The following PDZRN3 variants were observed in gnomAD, a reference collection of about 807,000 sequenced individuals.
PDZRN3 encodes PDZ domain containing ring finger 3.
In PDZRN3, 38 loss-of-function variants were observed where a neutral mutation model predicts 85.7. The observed-to-expected ratio is 0.44, with a 90% CI of 0.34 to 0.58. PDZRN3 has a LOEUF of 0.58. Among genes scored for constraint, PDZRN3 ranks in the 20% least tolerant of loss-of-function variants. The pLI is 0.01. For missense variants in PDZRN3, 1,629 were observed against 1,506.4 expected, an observed-to-expected ratio of 1.08 and a Z score of -1.35; for synonymous variants, 759 against 638.0, an observed-to-expected ratio of 1.19 and a Z score of -2.86.
chr3:73,503,373 T>C (rs1156493693), intron 3 of PDZRN3, among the ~76,000 whole-genome samples: 1 of 152,196 alleles, frequency 6.6e-6, no homozygotes, highest in Admixed American at 6.5e-5. Context: ...GTTAAACATC[T>C]GGGAATGCAT....
chr3:73,588,500 G>C (rs1021315341), intron 3 of PDZRN3, among the ~76,000 whole-genome samples: 1 of 152,086 alleles, frequency 6.6e-6, no homozygotes, highest in Non-Finnish European at 1.5e-5. Flanking sequence ...TGCCCAGATC[G>C]GGAGCAGAAT....
intron 3 of PDZRN3, among the ~76,000 whole-genome samples, chr3:73,585,854 A>C (rs1702269765): frequency 6.6e-6 from 1 of 152,226 alleles, no homozygotes; most frequent in South Asian, 2.1e-4. Context: ...CCAATGTTAA[A>C]TATTTTCCAA....
At chr3:73,599,851 C>T (rs551408727) in intron 3 of PDZRN3, among the ~76,000 whole-genome samples, 33 of 152,340 alleles carry the variant, frequency 2.2e-4, no homozygotes, top group Admixed American at 1.8e-3. Flanking sequence ...GTGAGAGCAT[C>T]TGACAGTGCC....
Position 73,384,066 on chromosome 3 carries a change from G to T in PDZRN3, c.2500C>A (p.Pro834Thr). 6.2e-7 allele frequency: 1 copy of T among 1,610,030 alleles called. No individual in the cohort carries two copies. The highest frequency in any genetic ancestry group is 8.5e-7 in the Non-Finnish European group (1 of 1,178,344). ...PSLKELDPNQ[P>T]LESKERRASD... Reference sequence around the variant, plus strand: ...GCTCTCCGCTCTTTGCTTTCCAGGGGCTGGTTGGGGTCCAGCTCCTTCAGG... The same window carrying T: ...GCTCTCCGCTCTTTGCTTTCCAGGGTCTGGTTGGGGTCCAGCTCCTTCAGG... The change falls in exon 10 of 10, where the codon CCC becomes ACC. Residue 834 changes from proline (P) to threonine (T), a missense_variant. Physicochemically the swap from Pro to Thr is conservative, Grantham distance 38. Transcript: ENST00000263666.
At chr3:73,567,188 G>A (rs538902379) in intron 3 of PDZRN3, among the ~76,000 whole-genome samples, 47 of 152,234 alleles carry the variant, frequency 3.1e-4, no homozygotes, top group African/African-American at 1.1e-3. Context: ...ATAAGAATCT[G>A]GTAGTTTGAT....
chr3:73,404,498 G>A, intron 3 of PDZRN3, 103 bp from the exon 4 acceptor site: 1 of 1,262,708 alleles, frequency 7.9e-7, no homozygotes, highest in Non-Finnish European at 1.1e-6. Context: ...CTAAAAGAAA[G>A]AAGCAGGTGG....
chr3:73,475,710 C>T (rs1393228437), intron 3 of PDZRN3, among the ~76,000 whole-genome samples: 1 of 152,120 alleles, frequency 6.6e-6, no homozygotes, highest in South Asian at 2.1e-4. Context: ...GAACTTTTAC[C>T]TAGGGGTTGC....
chr3:73,453,899 T>C (rs1223685912), intron 3 of PDZRN3, among the ~76,000 whole-genome samples: 4 of 152,186 alleles, frequency 2.6e-5, no homozygotes, highest in Admixed American at 6.5e-5. Context: ...CAACAGGTCA[T>C]TGCAGAGGGG....
intron 3 of PDZRN3, among the ~76,000 whole-genome samples, chr3:73,524,550 A>G (rs1017475259): frequency 6.6e-6 from 1 of 152,196 alleles, no homozygotes; most frequent in African/African-American, 2.4e-5. Context: ...GTGCCCTTGG[A>G]GATCAGAAAG....
chr3:73,384,281 T>C lies in PDZRN3; in HGVS notation c.2285A>G (p.Glu762Gly). ...KDSSSAYNTG[E>G]SCRSTPLTLE... ...GGTGAGCGGGGTGCTGCGGCAGCTC[T>C]CGCCTGTGTTGTAGGCGCTCGAGCT... The change falls in exon 10 of 10, where the codon GAG becomes GGG. Residue 762 changes from glutamate (E) to glycine (G), a missense_variant. By Grantham distance (98) the Glu-to-Gly change is moderately conservative (BLOSUM62 -2). Transcript: ENST00000263666. 1.2e-6 allele frequency: 2 copies of C among 1,613,038 alleles called. No homozygotes were observed. Among genetic ancestry groups the C allele is most frequent in the Non-Finnish European group, 8.5e-7 (1 of 1,179,878 alleles).
chr3:73,534,945 T>C (rs1704742309), intron 3 of PDZRN3, among the ~76,000 whole-genome samples: 1 of 152,170 alleles, frequency 6.6e-6, no homozygotes, highest in Admixed American at 6.5e-5. Flanking sequence ...GTCTATTTGC[T>C]GCCCCTCTCT....
chr3:73,394,363 T>C (rs1050672158), intron 5 of PDZRN3, among the ~76,000 whole-genome samples: 4 of 152,154 alleles, frequency 2.6e-5, no homozygotes, highest in African/African-American at 4.8e-5. Context: ...TAGAGCCCAA[T>C]GCTGCGTTTA....
intron 3 of PDZRN3, among the ~76,000 whole-genome samples, chr3:73,481,501 T>C (rs1009025531): frequency 6.6e-6 from 1 of 150,672 alleles, no homozygotes; most frequent in African/African-American, 2.5e-5. Flanking sequence ...TGGCTAATTT[T>C]GTATTTTTAG....
chr3:73,620,581 G>GTTTTT (rs10650658), intron 1 of PDZRN3, among the ~76,000 whole-genome samples: 2 of 139,798 alleles, frequency 1.4e-5, no homozygotes, highest in Non-Finnish European at 3.0e-5. Flanking sequence ...GGTTTTTTTT[G>GTTTTT]TTTTTTTTTT....
At chr3:73,409,915 C>T (rs1701931711) in intron 3 of PDZRN3, among the ~76,000 whole-genome samples, 1 of 152,332 alleles carries the variant, frequency 6.6e-6, no homozygotes, top group African/African-American at 2.4e-5. Context: ...CAGCATATCA[C>T]AGTCACCTCT....
chr3:73,411,544 G>T (rs866100249), intron 3 of PDZRN3, among the ~76,000 whole-genome samples: 2 of 152,188 alleles, frequency 1.3e-5, no homozygotes, highest in Non-Finnish European at 2.9e-5. Context: ...AAATCACGCA[G>T]AAGTGCTCGT....
At chr3:73,513,920 G>C (rs62246158) in intron 3 of PDZRN3, among the ~76,000 whole-genome samples, 1 of 152,270 alleles carries the variant, frequency 6.6e-6, no homozygotes, top group East Asian at 1.9e-4. Context: ...CTATATACAA[G>C]GTTTCTATGT....
chr3:73,540,939 G>A (rs1360814701), intron 3 of PDZRN3, among the ~76,000 whole-genome samples: 1 of 152,130 alleles, frequency 6.6e-6, no homozygotes, highest in Non-Finnish European at 1.5e-5. Context: ...CCCCTGAGAT[G>A]CATGTTTACC....
intron 8 of PDZRN3, among the ~76,000 whole-genome samples, chr3:73,387,677 G>C (rs533865777): frequency 9.5e-4 from 144 of 152,280 alleles, no homozygotes; most frequent in African/African-American, 3.2e-3. Context: ...CAAATGTCTT[G>C]ACGTGACCCC....
Sources: allele counts gnomAD v4.1 joint callset (sites outside exome capture counted in the v4.1 genomes callset), GRCh38; gene constraint gnomAD v4.1.1; transcripts MANE v1.5; gene names NCBI Gene and HGNC (gene_info 2026-07-23, HGNC 2026-07-21).